Variants in TRPS1 observed in about 807,000 individuals in gnomAD.
TRPS1 encodes transcriptional repressor GATA binding 1.
A neutral mutation model predicts 101.2 loss-of-function variants in TRPS1; 6 were observed. The observed-to-expected ratio is 0.06, with a 90% CI of 0.03 to 0.12. The LOEUF (loss-of-function observed/expected upper bound fraction) is 0.12. Ranked by LOEUF, TRPS1 falls within the 10% of genes least tolerant of loss-of-function variation. The pLI is 1.00. For missense variants in TRPS1, 1,363 were observed against 1,567.0 expected, an observed-to-expected ratio of 0.87 and a Z score of 2.20; for synonymous variants, 578 against 589.8, an observed-to-expected ratio of 0.98 and a Z score of 0.29.
intron 5 of TRPS1, among the ~76,000 whole-genome samples, chr8:115,491,677 A>C (rs1369171380): frequency 1.3e-5 from 2 of 152,108 alleles, no homozygotes; most frequent in African/African-American, 4.8e-5. Flanking sequence ...GAAAGAAAGA[A>C]AGGAAGAATG....
intron 5 of TRPS1, among the ~76,000 whole-genome samples, chr8:115,535,256 T>TATATAGC (rs1457631642): frequency 4.3e-4 from 15 of 34,782 alleles, no homozygotes; most frequent in South Asian, 1.7e-3. Flanking sequence ...ATATATAGCA[T>TATATAGC]ATATATAGCA....
rs1398806726 is a variant in TRPS1, at chr8:115,481,415, G to T, written c.2701-62963C>A. Among the ~76,000 whole-genome samples, 4 of 150,432 alleles carry T rather than the reference G, an allele frequency of 2.7e-5. No individual in the cohort carries two copies. In the Admixed American group the frequency reaches 2.7e-4, roughly 10 times the overall value. On this transcript the variant is annotated intron_variant, in intron 5 of 6. Coordinates refer to ENST00000395715, the MANE Select transcript of TRPS1 (RefSeq NM_014112.5). The stretch of plus-strand genomic sequence containing the variant: ...AAAATCAACCCCCCCCCACTCTTCT[G>T]CAACAAAACCCATACAGAGTAATTA...
rs1208285299 is a variant in TRPS1 at position 115,409,267 on chromosome 8, A to AAAAAAAAC, written c.*4755_*4756insGTTTTTTT. 2.7e-5 allele frequency: 4 copies of AAAAAAAAC among 149,102 alleles called. No individual in the cohort carries two copies. The highest frequency in any genetic ancestry group is 4.5e-5 in the Non-Finnish European group (3 of 67,202). The allele number at this position is 149,102 out of a possible 1,614,324, so 9.2% of individuals were successfully genotyped here. On this transcript the variant is annotated 3_prime_UTR_variant, in exon 7 of 7. Coordinates refer to ENST00000395715, the MANE Select transcript of TRPS1 (RefSeq NM_014112.5). ...GCTGCAGTTTATATGTTGGGAAAAAAAAAAAAAAAAAAAACAGGGGAAAAC... is the reference window on the plus strand; with the variant it reads ...GCTGCAGTTTATATGTTGGGAAAAAAAAAAAAACAAAAAAAAAAAAAACAGGGGAAAAC...
At chr8:115,668,231 G>A in intron 1 of TRPS1, 2 of 370,730 alleles carry the variant, frequency 5.4e-6, no homozygotes, top group South Asian at 5.0e-5. Context: ...GGGAAAAAGG[G>A]AGCAGAAGAG....
chr8:115,624,249 T>C (rs1325216485), intron 1 of TRPS1, among the ~76,000 whole-genome samples: 1 of 152,022 alleles, frequency 6.6e-6, no homozygotes, highest in Non-Finnish European at 1.5e-5. Flanking sequence ...CCTGGAAAAG[T>C]TCAAAATGCC....
At chr8:115,499,177 T>C (rs752233595) in intron 5 of TRPS1, among the ~76,000 whole-genome samples, 1 of 152,218 alleles carries the variant, frequency 6.6e-6, no homozygotes, top group Admixed American at 6.5e-5. Flanking sequence ...TCAGAGGGCA[T>C]AGACGTCTTG....
chr8:115,537,784 C>G (rs769885015), intron 5 of TRPS1, among the ~76,000 whole-genome samples: 19 of 152,132 alleles, frequency 1.2e-4, no homozygotes, highest in Non-Finnish European at 2.2e-4. Flanking sequence ...CAATGTAATA[C>G]GTAAGTGAGT....
At chr8:115,578,779 C>T (rs1817378563) in intron 5 of TRPS1, among the ~76,000 whole-genome samples, 2 of 152,052 alleles carry the variant, frequency 1.3e-5, no homozygotes, top group South Asian at 2.1e-4. Context: ...ATCTTCTTTA[C>T]AGTATATTGT....
intron 3 of TRPS1, among the ~76,000 whole-genome samples, chr8:115,616,924 C>G (rs1023233235): frequency 3.9e-5 from 6 of 152,100 alleles, no homozygotes; most frequent in Non-Finnish European, 8.8e-5. Context: ...CGTTTTTATT[C>G]ATTTTATGCA....
intron 5 of TRPS1, among the ~76,000 whole-genome samples, chr8:115,511,920 T>A (rs1357215477): frequency 6.6e-6 from 1 of 151,836 alleles, no homozygotes; most frequent in African/African-American, 2.4e-5. Flanking sequence ...TAAATCTTAA[T>A]ATGAATCTTA....
At chr8:115,654,259 G>A (rs1223173438) in intron 1 of TRPS1, among the ~76,000 whole-genome samples, 4 of 152,096 alleles carry the variant, frequency 2.6e-5, no homozygotes, top group Non-Finnish European at 5.9e-5. Flanking sequence ...AAAAATAGAG[G>A]CATTAAATGT....
intron 1 of TRPS1, among the ~76,000 whole-genome samples, chr8:115,650,331 A>C (rs1811531027): frequency 6.6e-6 from 1 of 152,184 alleles, no homozygotes; most frequent in South Asian, 2.1e-4. Context: ...GGTTTCTAGG[A>C]AGCTTTGGAA....
At position 115,620,581 on chromosome 8, in the gene TRPS1, A is replaced by G. The variant is rs897084667; in HGVS notation, c.38-521T>C. Reference sequence around the variant, plus strand: ...AATTGGAATTCGATATTGTTACCCTATGTAACCGGGATGTAAATATAGTTT... The same window carrying G: ...AATTGGAATTCGATATTGTTACCCTGTGTAACCGGGATGTAAATATAGTTT... On this transcript the variant is annotated intron_variant, in intron 2 of 6. Coordinates refer to ENST00000395715, the MANE Select transcript of TRPS1 (RefSeq NM_014112.5). 2.0e-5 allele frequency among the ~76,000 whole-genome samples: 3 copies of G among 152,312 alleles called. No individual in the cohort carries two copies. In the South Asian group the frequency reaches 6.2e-4, roughly 32 times the overall value.
chr8:115,579,277 A>G (rs1817390634), intron 5 of TRPS1, among the ~76,000 whole-genome samples: 1 of 152,130 alleles, frequency 6.6e-6, no homozygotes, highest in African/African-American at 2.4e-5. Context: ...GTTTTAAAGT[A>G]GTTTCACCAG....
At chr8:115,471,397 T>A (rs920858244) in intron 5 of TRPS1, among the ~76,000 whole-genome samples, 2 of 152,128 alleles carry the variant, frequency 1.3e-5, no homozygotes, top group African/African-American at 4.8e-5. Flanking sequence ...TCACTTACTA[T>A]CATGAGAACA....
intron 5 of TRPS1, among the ~76,000 whole-genome samples, chr8:115,485,047 G>A (rs1216582293): frequency 6.6e-6 from 1 of 152,188 alleles, no homozygotes; most frequent in Non-Finnish European, 1.5e-5. Flanking sequence ...GGCTTTGACA[G>A]ATGAAATTTA....
At chr8:115,462,623 TTCTC>T (rs375709611) in intron 5 of TRPS1, among the ~76,000 whole-genome samples, 10 of 132,662 alleles carry the variant, frequency 7.5e-5, no homozygotes, top group Admixed American at 3.1e-4. Flanking sequence ...TGTTTTTCTT[TTCTC>T]TCTCTCTCTC....
rs533595130 is a variant in TRPS1 at position 115,454,623 on chromosome 8, T to C, written c.2701-36171A>G. 2.6e-5 allele frequency among the ~76,000 whole-genome samples: 4 copies of C among 152,310 alleles called. No individual in the cohort carries two copies. The East Asian group carries it at 7.7e-4, about 29-fold the overall frequency. Reference sequence around the variant, plus strand: ...TGGATTGAATTATTTGTAAATCCTATAACACTCTATTGGTTGGAAGCCTGC... The same window carrying C: ...TGGATTGAATTATTTGTAAATCCTACAACACTCTATTGGTTGGAAGCCTGC... On this transcript the variant is annotated intron_variant, in intron 5 of 6. Coordinates refer to ENST00000395715, the MANE Select transcript of TRPS1 (RefSeq NM_014112.5).
At chr8:115,417,839 T>C (rs1487640858) in intron 6 of TRPS1, among the ~76,000 whole-genome samples, 1 of 152,144 alleles carries the variant, frequency 6.6e-6, no homozygotes, top group Non-Finnish European at 1.5e-5. Context: ...TTCAGAACTG[T>C]CCTTCCGAAT....
Sources: gnomAD v4.1 joint callset for allele counts (sites outside exome capture counted in the v4.1 genomes callset) on GRCh38, gnomAD v4.1.1 for gene constraint, MANE v1.5 for transcripts, NCBI Gene and HGNC (gene_info 2026-07-23, HGNC 2026-07-21) for gene names.